AGBL4: variants seen among roughly 807,000 people sequenced by gnomAD.
AGBL4 encodes cytosolic carboxypeptidase 6.
Under a neutral mutation model 66.4 loss-of-function variants are expected in AGBL4, and 58 were observed. That is an observed-to-expected ratio of 0.87 (90% CI 0.71 to 1.09). AGBL4 has a LOEUF of 1.09. AGBL4 is among the 50% of genes least tolerant of loss of function. AGBL4 has a pLI of 0.00. For missense variants in AGBL4, 579 were observed against 631.0 expected (o/e 0.92, Z 0.88); for synonymous variants, 234 against 222.9 (o/e 1.05, Z -0.44).
intron 3 of AGBL4, among the ~76,000 whole-genome samples, chr1:49,373,992 T>C (rs143838783): frequency 4.6e-5 from 7 of 152,268 alleles, no homozygotes; most frequent in African/African-American, 1.4e-4. Flanking sequence ...CATAAAATTA[T>C]ATTATGTTTC....
chr1:49,946,960 G>T (rs1376418603), intron 1 of AGBL4, among the ~76,000 whole-genome samples: 1 of 151,798 alleles, frequency 6.6e-6, no homozygotes, highest in Non-Finnish European at 1.5e-5. Context: ...ACCTAGTGGA[G>T]ATGGATAAAT....
intron 3 of AGBL4, among the ~76,000 whole-genome samples, chr1:49,476,221 G>A (rs1053919245): frequency 3.9e-5 from 6 of 151,956 alleles, no homozygotes; most frequent in African/African-American, 4.8e-5. Context: ...ATGTATTTAT[G>A]TGAATTTAAG....
chr1:49,731,377 T>C (rs1649434134), intron 2 of AGBL4, among the ~76,000 whole-genome samples: 1 of 152,336 alleles, frequency 6.6e-6, no homozygotes, highest in East Asian at 1.9e-4. Context: ...TGAGATTGTT[T>C]TGTAAAACAT....
intron 6 of AGBL4, among the ~76,000 whole-genome samples, chr1:48,713,964 C>T (rs1460267338): frequency 6.6e-6 from 1 of 152,186 alleles, no homozygotes; most frequent in Non-Finnish European, 1.5e-5. Context: ...ACACCAAATG[C>T]CCCTACCCAA....
chr1:49,694,769 G>A (rs979826721), intron 3 of AGBL4, among the ~76,000 whole-genome samples: 2 of 152,082 alleles, frequency 1.3e-5, no homozygotes, highest in Admixed American at 6.6e-5. Flanking sequence ...GAACATCCTC[G>A]TAAACAAACT....
At chr1:49,226,147 C>T (rs1443295019) in intron 4 of AGBL4, among the ~76,000 whole-genome samples, 4 of 152,128 alleles carry the variant, frequency 2.6e-5, no homozygotes, top group Non-Finnish European at 5.9e-5. Flanking sequence ...TTAGGCAATG[C>T]AACAGCAGGC....
intron 4 of AGBL4, among the ~76,000 whole-genome samples, chr1:49,049,407 A>T (rs1644157285): frequency 6.6e-6 from 1 of 152,136 alleles, no homozygotes; most frequent in South Asian, 2.1e-4. Context: ...AAAAAATTAT[A>T]TAAAAAGATT....
intron 3 of AGBL4, among the ~76,000 whole-genome samples, chr1:49,482,932 T>C (rs1646986981): frequency 6.6e-6 from 1 of 152,092 alleles, no homozygotes; most frequent in African/African-American, 2.4e-5. Context: ...TGTATGGTTT[T>C]GAGTGAATTT....
At chr1:49,458,291 G>A (rs887918291) in intron 3 of AGBL4, among the ~76,000 whole-genome samples, 2 of 151,516 alleles carry the variant, frequency 1.3e-5, no homozygotes, top group African/African-American at 4.8e-5. Flanking sequence ...ATATTCCTAA[G>A]TATTTTATTT....
At chr1:48,593,931 A>G (rs1644956290) in intron 9 of AGBL4, among the ~76,000 whole-genome samples, 1 of 152,208 alleles carries the variant, frequency 6.6e-6, no homozygotes. Context: ...TGCCAATTTG[A>G]TGGGTGAAAA....
At chr1:49,862,725 A>G (rs1454471726) in intron 1 of AGBL4, among the ~76,000 whole-genome samples, 1 of 152,210 alleles carries the variant, frequency 6.6e-6, no homozygotes. Flanking sequence ...ACAGGCCAGA[A>G]GACAGTGGCA....
chr1:49,456,684 G>A (rs1646397320), intron 3 of AGBL4, among the ~76,000 whole-genome samples: 1 of 151,480 alleles, frequency 6.6e-6, no homozygotes, highest in South Asian at 2.1e-4. Flanking sequence ...CCCAAGCATT[G>A]TACACTGTAT....
In AGBL4 at chr1:49,045,758, C is replaced by T. The variant is rs959296113; in HGVS notation, c.420G>A (p.Pro140=). 3.4e-5 allele frequency: 52 copies of T among 1,551,428 alleles called. No individual in the cohort carries two copies. The highest frequency in any genetic ancestry group is 3.9e-5 in the Admixed American group (2 of 50,966). The change falls in exon 5 of 14, where the codon CCG becomes CCA. Residue 140 remains proline (P), a synonymous_variant. Transcript: ENST00000371839. ...PPKNVYYYRC[P]DHRKNYVMSF... ...ACATCACATAGTTCTTCCTATGGTC[C>T]GGGCAGCGGTAGTAGTAAACATTTT... is the stretch of plus-strand genomic sequence containing the variant.
At chr1:48,532,237 G>A (rs1441293971), downstream of AGBL4, among the ~76,000 whole-genome samples, 7 of 152,086 alleles carry the variant, frequency 4.6e-5, no homozygotes, top group Non-Finnish European at 8.8e-5. Context: ...TTTTCCACAC[G>A]TAAGTTCATT....
At chr1:49,144,295 T>G (rs1375558779) in intron 4 of AGBL4, among the ~76,000 whole-genome samples, 1 of 152,188 alleles carries the variant, frequency 6.6e-6, no homozygotes, top group African/African-American at 2.4e-5. Context: ...TGAGGGGCTA[T>G]GTTGGAGGAC....
intron 3 of AGBL4, among the ~76,000 whole-genome samples, chr1:49,259,369 A>C (rs912378888): frequency 6.6e-6 from 1 of 152,194 alleles, no homozygotes; most frequent in Non-Finnish European, 1.5e-5. Flanking sequence ...GGCAAATTGG[A>C]TAAAGAGTCA....
At chr1:49,769,708 G>A (rs1643999953) in intron 2 of AGBL4, among the ~76,000 whole-genome samples, 1 of 151,986 alleles carries the variant, frequency 6.6e-6, no homozygotes, top group African/African-American at 2.4e-5. Flanking sequence ...AAAACGATGG[G>A]GACAGGACTC....
intron 3 of AGBL4, among the ~76,000 whole-genome samples, chr1:49,647,198 G>T (rs1645906937): frequency 6.6e-6 from 1 of 151,964 alleles, no homozygotes; most frequent in Non-Finnish European, 1.5e-5. Flanking sequence ...AATTAAGAAT[G>T]AAATGACAAA....
chr1:48,875,568 A>T (rs1238214540), intron 5 of AGBL4, among the ~76,000 whole-genome samples: 2 of 151,870 alleles, frequency 1.3e-5, no homozygotes, highest in Non-Finnish European at 2.9e-5. Flanking sequence ...TGCTCCTGTA[A>T]CTCTCTTTTA....
Sources: gnomAD v4.1 joint callset for allele counts (sites outside exome capture counted in the v4.1 genomes callset) on GRCh38, gnomAD v4.1.1 for gene constraint, MANE v1.5 for transcripts, NCBI Gene and HGNC (gene_info 2026-07-23, HGNC 2026-07-21) for gene names.